ACYP2: variants seen among roughly 807,000 people sequenced by gnomAD.
The protein encoded by ACYP2 is acylphosphatase-2.
Under a neutral mutation model 11.2 loss-of-function variants are expected in ACYP2, and 12 were observed. That is an observed-to-expected ratio of 1.08 (90% confidence interval 0.69 to 1.74). The LOEUF (loss-of-function observed/expected upper bound fraction) is 1.74. Ranked by LOEUF, ACYP2 falls within the 40% of genes most tolerant of loss-of-function variation. The pLI is 0.00. For missense variants in ACYP2, 134 were observed against 101.9 expected (o/e 1.31, Z -1.35); for synonymous variants, 43 against 32.2 (o/e 1.33, Z -1.13).
intron 4 of ACYP2, among the ~76,000 whole-genome samples, chr2:54,096,842 A>C (rs889567970): frequency 1.3e-5 from 2 of 151,740 alleles, no homozygotes; most frequent in African/African-American, 2.4e-5. Context: ...GGAGAGGGAG[A>C]CCGTGGGGAG....
intron 6 of ACYP2, among the ~76,000 whole-genome samples, chr2:54,165,529 TCTCTCTCACACACACACACACA>T (rs1380048362): frequency 7.0e-6 from 1 of 143,088 alleles, no homozygotes; most frequent in Non-Finnish European, 1.5e-5. Context: ...TCTCTCTCTC[TCTCTCTCACACACACACACACA>T]CACACACACA....
chr2:54,219,905 A>AT (rs1169547989), intron 6 of ACYP2, among the ~76,000 whole-genome samples: 765 of 75,964 alleles, frequency 0.01, 8 homozygotes, highest in Middle Eastern at 0.026. Context: ...ATATATATAT[A>AT]TTTTTTTTTT....
chr2:54,051,644 G>T, intron 3 of ACYP2: 1 of 737,134 alleles, frequency 1.4e-6, no homozygotes, highest in Non-Finnish European at 2.5e-6. Context: ...TGAAAAGAAG[G>T]CTGCGAAGTT....
chr2:54,223,307 T>C (rs892158612), intron 6 of ACYP2, among the ~76,000 whole-genome samples: 1 of 152,240 alleles, frequency 6.6e-6, no homozygotes, highest in African/African-American at 2.4e-5. Context: ...TACTCTTTTC[T>C]TCTTAGATTA....
At chr2:54,132,363 C>T (rs1197602460) in intron 4 of ACYP2, among the ~76,000 whole-genome samples, 1 of 152,164 alleles carries the variant, frequency 6.6e-6, no homozygotes, top group East Asian at 1.9e-4. Flanking sequence ...ATATGTCCCA[C>T]TCATCATTCC....
intron 2 of ACYP2, among the ~76,000 whole-genome samples, chr2:54,041,856 T>C (rs1434587362): frequency 6.6e-6 from 1 of 152,080 alleles, no homozygotes; most frequent in Non-Finnish European, 1.5e-5. Context: ...ACTGGCACGA[T>C]CACAGCTCAC....
Position 54,036,671 on chromosome 2 carries a change from C to A in ACYP2, c.63-14287C>A, listed in dbSNP as rs565018091. 2.6e-5 allele frequency among the ~76,000 whole-genome samples: 4 copies of A among 152,288 alleles called. No homozygotes were observed. The South Asian group carries it at 8.3e-4, about 32-fold the overall frequency. On this transcript the variant is annotated intron_variant, in intron 2 of 6. Transcript: ENST00000607452. ...AAAGTGTCTTCTGATGGTGAATTGG[C>A]TTCTCTTTGCCTTGACTTCAAGGAG...
At chr2:54,080,904 G>T (rs1486071425) in intron 4 of ACYP2, among the ~76,000 whole-genome samples, 1 of 152,092 alleles carries the variant, frequency 6.6e-6, no homozygotes, top group African/African-American at 2.4e-5. Flanking sequence ...AGGATTATAG[G>T]GGTTAGCCAC....
intron 4 of ACYP2, among the ~76,000 whole-genome samples, chr2:54,132,637 TC>T (rs1333334914): frequency 6.6e-6 from 1 of 152,202 alleles, no homozygotes; most frequent in Non-Finnish European, 1.5e-5. Context: ...TGGAGATTGA[TC>T]CATCCGCTGT....
intron 6 of ACYP2, among the ~76,000 whole-genome samples, chr2:54,165,203 G>A (rs1682899361): frequency 6.6e-6 from 1 of 152,116 alleles, no homozygotes; most frequent in East Asian, 1.9e-4. Context: ...ACACTGTATA[G>A]ACTAGTTGAT....
chr2:54,197,613 C>T (rs1307133615), intron 6 of ACYP2, among the ~76,000 whole-genome samples: 1 of 152,098 alleles, frequency 6.6e-6, no homozygotes, highest in African/African-American at 2.4e-5. Context: ...AGCTGAGACC[C>T]CAATGGCAAG....
intron 4 of ACYP2, among the ~76,000 whole-genome samples, chr2:54,081,742 G>A (rs137870398): frequency 1.5e-3 from 233 of 152,314 alleles, no homozygotes; most frequent in African/African-American, 5.4e-3. Flanking sequence ...TTACATGTCT[G>A]ATGATCTGGT....
At chr2:54,255,455 T>C in intron 6 of ACYP2, 1 of 1,613,992 alleles carries the variant, frequency 6.2e-7, no homozygotes, top group Non-Finnish European at 8.5e-7. Flanking sequence ...TATTCATGAA[T>C]CTGCCCAAAC....
intron 2 of ACYP2, among the ~76,000 whole-genome samples, chr2:53,989,049 G>A (rs7569214): frequency 0.54 from 82,289 of 151,790 alleles, 22,589 homozygotes; most frequent in East Asian, 0.71. Context: ...CGCCCGGCCT[G>A]TAATTCAGTT....
intron 6 of ACYP2, chr2:54,267,241 A>G: frequency 3.3e-6 from 5 of 1,528,744 alleles, no homozygotes; most frequent in East Asian, 2.5e-5. Context: ...GAAGCTCCCA[A>G]TAAAAACATT....
intron 6 of ACYP2, among the ~76,000 whole-genome samples, chr2:54,265,205 G>A (rs1374799815): frequency 3.9e-5 from 6 of 152,094 alleles, no homozygotes; most frequent in South Asian, 2.1e-4. Context: ...GAGGTTTAAT[G>A]GACTTACAGT....
At chr2:54,072,323 T>A (rs1312762724) in intron 4 of ACYP2, among the ~76,000 whole-genome samples, 2 of 152,148 alleles carry the variant, frequency 1.3e-5, no homozygotes, top group African/African-American at 4.8e-5. Flanking sequence ...TATTTTATTT[T>A]TGTGACAGGG....
intron 6 of ACYP2, among the ~76,000 whole-genome samples, chr2:54,247,025 G>A (rs1434259331): frequency 6.6e-6 from 1 of 152,106 alleles, no homozygotes; most frequent in Non-Finnish European, 1.5e-5. Flanking sequence ...TCCAAGCACA[G>A]GAAGGTTGTA....
At chr2:54,080,668 T>C (rs550729097) in intron 4 of ACYP2, among the ~76,000 whole-genome samples, 4 of 152,240 alleles carry the variant, frequency 2.6e-5, no homozygotes, top group Non-Finnish European at 5.9e-5. Context: ...TTTGTATTTT[T>C]AGTAGAGATG....
Sources: allele counts gnomAD v4.1 joint callset (sites outside exome capture counted in the v4.1 genomes callset), GRCh38; gene constraint gnomAD v4.1.1; transcripts MANE v1.5; gene names NCBI Gene and HGNC (gene_info 2026-07-23, HGNC 2026-07-21).